Variants in XPC observed in about 807,000 individuals in gnomAD.
The protein encoded by XPC is XPC complex subunit, DNA damage recognition and repair factor.
In XPC, 76 loss-of-function variants were observed where a neutral mutation model predicts 95.8. That is an observed-to-expected ratio of 0.79 (90% CI 0.66 to 0.96). The LOEUF (loss-of-function observed/expected upper bound fraction) is 0.96, where lower values mean the gene tolerates loss of function less well. Among genes scored for constraint, XPC ranks in the 40% least tolerant of loss-of-function variants. XPC has a pLI of 0.00. For synonymous variants in XPC, 442 were observed against 442.1 expected (o/e 1.00, Z 0.00); for missense variants, 1,146 against 1,179.8 (o/e 0.97, Z 0.42).
In XPC at chr3:14,172,942, ACTTT is replaced by A; in HGVS notation, c.220_223del (p.Lys74TrpfsTer4). 6.2e-7 allele frequency: 1 copy of A among 1,613,962 alleles called. No homozygotes were observed. On this transcript the variant is annotated frameshift_variant, in exon 2 of 16. Coordinates refer to ENST00000285021, the MANE Select transcript of XPC (RefSeq NM_004628.5). LOFTEE classifies it high-confidence loss of function. ...TTCAGATTTAACAGTCACCTTGGCCACTTTCTTTTTTGCTGGACCATCTGCTGAA... is the reference window on the plus strand; with the variant it reads ...TTCAGATTTAACAGTCACCTTGGCCACTTTTTTGCTGGACCATCTGCTGAA...
intron 14 of XPC, 134 bp from the exon 15 acceptor site, chr3:14,147,513 C>A (rs1695489972): frequency 1.2e-6 from 1 of 854,104 alleles, no homozygotes; most frequent in South Asian, 1.7e-5. Context: ...CACACCAAGT[C>A]TCACTTCCAA....
At chr3:14,173,147 C>A (rs1284755938) in intron 1 of XPC, 85 bp from the exon 2 acceptor site, 16 of 1,331,686 alleles carry the variant, frequency 1.2e-5, no homozygotes, top group Non-Finnish European at 2.0e-6. Context: ...TAAAACGGCT[C>A]TATGACCTGT....
chr3:14,167,320 C>A, intron 4 of XPC, 67 bp from the exon 5 acceptor site: 1 of 1,368,376 alleles, frequency 7.3e-7, no homozygotes, highest in Non-Finnish European at 1.0e-6. Context: ...CTCCCCCAGG[C>A]AATTCCTTCT....
intron 2 of XPC, 130 bp downstream of exon 2, chr3:14,172,737 G>T: frequency 9.4e-7 from 1 of 1,067,274 alleles, no homozygotes; most frequent in Non-Finnish European, 1.3e-6. Flanking sequence ...GGTCTGAGTT[G>T]TACCTAGAAG....
In XPC at chr3:14,158,436, C is replaced by T. The variant is rs771988511; in HGVS notation, c.1447G>A (p.Ala483Thr). 1.2e-6 allele frequency: 2 copies of T among 1,613,724 alleles called. No homozygotes were observed. Among genetic ancestry groups the T allele is most frequent in the South Asian group, 2.2e-5 (2 of 91,074 alleles). ...PQRTKAGSKS[A>T]SRTHRGSHRK... Reference sequence around the variant, plus strand: ...TGGCTCCCACGATGGGTCCTGGAGGCACTCTTGGACCCAGCCTTTGTCCTC... The same window carrying T: ...TGGCTCCCACGATGGGTCCTGGAGGTACTCTTGGACCCAGCCTTTGTCCTC... Residue 483 changes from alanine (A) to threonine (T), a missense_variant, in exon 9 of 16, where the codon GCC becomes ACC. Transcript: ENST00000285021. This position sits in a 1 kb window ranked among gnomAD's most constrained non-coding sequence, Gnocchi z 5.2.
In XPC at chr3:14,158,140, G is replaced by T. The variant is rs771155424; in HGVS notation, c.1743C>A (p.Val581=). The part of the protein sequence containing the change: ...GIDSDGWVRD[V]TQRYDPVWMT... ...TCCAGACTGGGTCGTACCTCTGTGT[G>T]ACATCTCGGACCCAGCCGTCACTGT... The change falls in exon 9 of 16, where the codon GTC becomes GTA. Residue 581 remains valine (V), a synonymous_variant. Coordinates refer to ENST00000285021, the MANE Select transcript of XPC (RefSeq NM_004628.5). The surrounding 1 kb of genome is among the most constrained non-coding windows in gnomAD (Gnocchi z 5.2). 3.7e-6 allele frequency: 6 copies of T among 1,613,834 alleles called. No homozygotes were observed. Among genetic ancestry groups the T allele is most frequent in the Non-Finnish European group, 5.1e-6 (6 of 1,179,894 alleles).
rs779392154 is a variant in XPC, at chr3:14,164,867, T to A, written c.846A>T (p.Thr282=). The A allele has an allele frequency of 6.2e-7, 1 of 1,613,068 alleles. No homozygotes were observed. The highest frequency in any genetic ancestry group is 8.5e-7 in the Non-Finnish European group (1 of 1,179,516). The change falls in exon 7 of 16, where the codon ACA becomes ACT. Residue 282 remains threonine (T), a synonymous_variant. Transcript: ENST00000285021. ...AGTAAATAGCAAATCTCCTTTCCAA[T>A]GTAGTCTGCAGGTTATCTTGTTCAC... ...SASEQDNLQT[T]LERRFAIYSA...
intron 11 of XPC, among the ~76,000 whole-genome samples, chr3:14,150,295 G>T (rs1434308542): frequency 6.6e-6 from 1 of 152,250 alleles, no homozygotes; most frequent in East Asian, 1.9e-4. Context: ...CTCTAGTGCA[G>T]GGGCCCACAA....
chr3:14,176,623 G>A (rs1696826572), intron 1 of XPC, among the ~76,000 whole-genome samples: 1 of 152,118 alleles, frequency 6.6e-6, no homozygotes, highest in South Asian at 2.1e-4. Flanking sequence ...TTACATATGA[G>A]GTAAATCACC....
intron 10 of XPC, among the ~76,000 whole-genome samples, chr3:14,153,953 GT>G (rs1166320362): frequency 6.6e-6 from 1 of 152,214 alleles, no homozygotes; most frequent in African/African-American, 2.4e-5. Flanking sequence ...GAGTGATTAT[GT>G]CATGGTCGTG....
rs1220224868 is a variant in XPC at position 14,148,729 on chromosome 3, C to G, written c.2253G>C (p.Val751=). Residue 751 remains valine (V), a splice_region_variant and synonymous_variant, in exon 13 of 16, where the codon GTG becomes GTC. Coordinates refer to ENST00000285021, the MANE Select transcript of XPC (RefSeq NM_004628.5). ...ACACATTCCCAAACTCGTTCCGGGG[C>G]ACCTGTGTCGGGTGAGCAAGTCAGC... is the stretch of plus-strand genomic sequence containing the variant. ...YQPPVAVDGK[V]PRNEFGNVYL... 6.2e-7 allele frequency: 1 copy of G among 1,614,000 alleles called. No homozygotes were observed. Among genetic ancestry groups the G allele is most frequent in the Non-Finnish European group, 8.5e-7 (1 of 1,179,870 alleles).
At position 14,168,385 on chromosome 3, in the gene XPC, C is replaced by T; in HGVS notation, c.413-5G>A. ...CCAGCACAGGCTCACTAAGTTCTAT[C>T]AACAAGCATTTTTAAAAATCAGTAA... On this transcript the variant is annotated splice_polypyrimidine_tract_variant and splice_region_variant and intron_variant, in intron 3 of 15. Coordinates refer to ENST00000285021, the MANE Select transcript of XPC (RefSeq NM_004628.5). 6.2e-7 allele frequency: 1 copy of T among 1,613,616 alleles called. No homozygotes were observed. Among genetic ancestry groups the T allele is most frequent in the Non-Finnish European group, 8.5e-7 (1 of 1,179,728 alleles).
intron 1 of XPC, among the ~76,000 whole-genome samples, chr3:14,178,066 G>A (rs1696905153): frequency 6.6e-6 from 1 of 152,238 alleles, no homozygotes; most frequent in Admixed American, 6.5e-5. Flanking sequence ...GGATCCCACT[G>A]TGGAACTCTG....
intron 1 of XPC, among the ~76,000 whole-genome samples, chr3:14,176,632 C>A (rs1696826778): frequency 6.6e-6 from 1 of 152,130 alleles, no homozygotes; most frequent in South Asian, 2.1e-4. Context: ...AGGTAAATCA[C>A]CTCCTAAGTT....
chr3:14,150,956 G>T (rs1298594326), intron 11 of XPC, among the ~76,000 whole-genome samples: 1 of 152,162 alleles, frequency 6.6e-6, no homozygotes, highest in East Asian at 1.9e-4. Context: ...CGCTGGCCAA[G>T]GTGGGACAAG....
chr3:14,176,362 G>A (rs1443078241), intron 1 of XPC, among the ~76,000 whole-genome samples: 3 of 152,272 alleles, frequency 2.0e-5, no homozygotes, highest in South Asian at 2.1e-4. Flanking sequence ...CTACTTCAGA[G>A]AGCGTTCCCC....
At position 14,145,247 on chromosome 3, in the gene XPC, GT is replaced by G. The variant is rs1327720784; in HGVS notation, c.*693del. ...TTTATCTAGTAATGAATACAATCTAGTTTAACACTCATCTATTTTACTAACA... is the reference window on the plus strand; with the variant it reads ...TTTATCTAGTAATGAATACAATCTAGTTAACACTCATCTATTTTACTAACA... On this transcript the variant is annotated 3_prime_UTR_variant, in exon 16 of 16. Transcript: ENST00000285021. 2.9e-6 allele frequency: 2 copies of G among 678,416 alleles called. No individual in the cohort carries two copies. Among genetic ancestry groups the G allele is most frequent in the African/African-American group, 3.5e-5 (2 of 56,588 alleles). The allele number at this position is 678,416 out of a possible 1,614,324, so 42.0% of individuals were successfully genotyped here.
At position 14,164,742 on chromosome 3, in the gene XPC, C is replaced by G; in HGVS notation, c.900+71G>C. 4 of 1,518,736 alleles carry G rather than the reference C, an allele frequency of 2.6e-6. No homozygotes were observed. The South Asian group carries it at 4.7e-5, about 18-fold the overall frequency. The allele number at this position is 1,518,736 out of a possible 1,614,324, so 94.1% of individuals were successfully genotyped here. A position where few individuals can be genotyped will look rare whatever the true frequency, so the allele number is the denominator to read the frequency against. On this transcript the variant is annotated intron_variant, in intron 7 of 15. Transcript: ENST00000285021. Reference sequence around the variant, plus strand: ...GTCGGTAACACACCTGGAATGGCATCTGGCACATGGCTGCCATTATCATTA... The same window carrying G: ...GTCGGTAACACACCTGGAATGGCATGTGGCACATGGCTGCCATTATCATTA...
At chr3:14,170,602 T>C (rs1696572277) in intron 2 of XPC, 52 bp from the exon 3 acceptor site, 1 of 1,416,390 alleles carries the variant, frequency 7.1e-7, no homozygotes, top group Non-Finnish European at 9.7e-7. Context: ...CATCCTAGTG[T>C]TCCATTCAAG....
Sources: gnomAD v4.1 joint callset for allele counts (sites outside exome capture counted in the v4.1 genomes callset) on GRCh38, gnomAD v4.1.1 for gene constraint, Gnocchi (gnomAD v3.1) non-coding constraint, MANE v1.5 for transcripts, NCBI Gene and HGNC (gene_info 2026-07-23, HGNC 2026-07-21) for gene names.